The following TOX variants were observed in gnomAD, a reference collection of about 807,000 sequenced individuals.
TOX encodes thymocyte selection associated high mobility group box.
Under a neutral mutation model 53.7 loss-of-function variants are expected in TOX, and 11 were observed. The ratio of observed to expected loss-of-function variants is 0.20; its 90% confidence interval spans 0.13 to 0.34. The LOEUF (loss-of-function observed/expected upper bound fraction) is 0.34. Among genes scored for constraint, TOX ranks in the 10% least tolerant of loss-of-function variants. TOX has a pLI of 1.00. For synonymous variants in TOX, 225 were observed against 245.3 expected (o/e 0.92, Z 0.77); for missense variants, 570 against 664.6 (o/e 0.86, Z 1.56).
At position 58,833,399 on chromosome 8, in the gene TOX, T is replaced by C. The variant is rs921883694; in HGVS notation, c.924+4682A>G. Among the ~76,000 whole-genome samples the C allele has an allele frequency of 2.0e-5, 3 of 152,280 alleles. No homozygotes were observed. In the South Asian group the frequency reaches 6.2e-4, roughly 32 times the overall value. On this transcript the variant is annotated intron_variant, in intron 5 of 8. Transcript: ENST00000361421. ...TCAAAGCGGGACGAGCTCTTTTATT[T>C]TGTAGGGTTTTATTTGTTCTATATT...
At chr8:58,905,769 A>G (rs1811803428) in intron 3 of TOX, among the ~76,000 whole-genome samples, 1 of 152,058 alleles carries the variant, frequency 6.6e-6, no homozygotes, top group Admixed American at 6.5e-5. Flanking sequence ...TACAATTTGG[A>G]TTCCCTTTTC....
intron 1 of TOX, among the ~76,000 whole-genome samples, chr8:59,074,701 A>G (rs752439048): frequency 3.8e-4 from 58 of 152,318 alleles, no homozygotes; most frequent in Non-Finnish European, 7.8e-4. Context: ...GTTCAGAAGG[A>G]AAATGAGGCC....
At chr8:59,075,867 T>A (rs1046036519) in intron 1 of TOX, among the ~76,000 whole-genome samples, 1 of 151,974 alleles carries the variant, frequency 6.6e-6, no homozygotes, top group African/African-American at 2.4e-5. Flanking sequence ...TAGCCAGGCG[T>A]GGTGGTGCAT....
At chr8:59,033,635 A>G (rs2129420196) in intron 1 of TOX, among the ~76,000 whole-genome samples, 1 of 152,340 alleles carries the variant, frequency 6.6e-6, no homozygotes, top group East Asian at 1.9e-4. Context: ...ATAAATGTAA[A>G]TGTTTGCTAA....
chr8:58,920,707 T>TA lies in TOX; in HGVS notation c.411+18594dup, dbSNP rs56112630. ...ATGTACCCTAAAACTTAAAGTATAA[T>TA]AAAAAAAAAACATTAAAAAAAAAAA... On this transcript the variant is annotated intron_variant, in intron 3 of 8. Transcript: ENST00000361421. Among the ~76,000 whole-genome samples, 298 of 72,014 alleles carry TA rather than the reference T, an allele frequency of 4.1e-3. 1 individual carries two copies. The highest frequency in any genetic ancestry group is 0.011 in the Middle Eastern group (1 of 90). 47.2% of individuals were successfully genotyped at this position (72,014 alleles called of 152,430 possible).
chr8:58,812,387 G>A (rs745857996), intron 7 of TOX, among the ~76,000 whole-genome samples: 12 of 151,898 alleles, frequency 7.9e-5, no homozygotes, highest in Non-Finnish European at 1.6e-4. Context: ...GCCTCCTTCC[G>A]ATCTCCTGGA....
chr8:59,010,862 G>A (rs761263020), intron 1 of TOX, among the ~76,000 whole-genome samples: 3 of 152,332 alleles, frequency 2.0e-5, no homozygotes, highest in Non-Finnish European at 2.9e-5. Flanking sequence ...GCATCATTAT[G>A]TATGTCACCT....
intron 3 of TOX, among the ~76,000 whole-genome samples, chr8:58,874,497 TCA>T (rs1212879614): frequency 6.6e-6 from 1 of 151,962 alleles, no homozygotes; most frequent in Non-Finnish European, 1.5e-5. Context: ...GATTAGAAAA[TCA>T]GAGCCAAGGA....
At chr8:58,841,784 A>G (rs1810647718) in intron 4 of TOX, among the ~76,000 whole-genome samples, 1 of 152,224 alleles carries the variant, frequency 6.6e-6, no homozygotes, top group South Asian at 2.1e-4. Context: ...ATACAATTTT[A>G]TTTGTCAATT....
At chr8:59,082,086 C>T (rs887765563) in intron 1 of TOX, among the ~76,000 whole-genome samples, 9 of 151,564 alleles carry the variant, frequency 5.9e-5, no homozygotes, top group Non-Finnish European at 8.8e-5. Context: ...TTGATCTTGC[C>T]CTGCTCTTGT....
intron 1 of TOX, among the ~76,000 whole-genome samples, chr8:58,965,069 T>A (rs1264239440): frequency 6.6e-6 from 1 of 152,226 alleles, no homozygotes; most frequent in East Asian, 1.9e-4. Context: ...TTATTATTCT[T>A]AGAAGTCAAC....
intron 3 of TOX, among the ~76,000 whole-genome samples, chr8:58,866,514 T>G (rs527353501): frequency 2.6e-5 from 4 of 152,324 alleles, no homozygotes; most frequent in Non-Finnish European, 4.4e-5. Flanking sequence ...GGACACAAAT[T>G]TATGCTTTCT....
At chr8:58,893,217 C>T (rs910448018) in intron 3 of TOX, among the ~76,000 whole-genome samples, 52 of 151,934 alleles carry the variant, frequency 3.4e-4, no homozygotes, top group African/African-American at 1.2e-3. Context: ...ATCTCCCCCC[C>T]ACAAAACACA....
intron 4 of TOX, among the ~76,000 whole-genome samples, chr8:58,848,042 AAT>A (rs1320972576): frequency 6.6e-6 from 1 of 152,124 alleles, no homozygotes; most frequent in Non-Finnish European, 1.5e-5. Context: ...AAATAATTAA[AAT>A]AGTGTTTCAT....
At chr8:58,872,171 C>A (rs570761337) in intron 3 of TOX, among the ~76,000 whole-genome samples, 11 of 151,930 alleles carry the variant, frequency 7.2e-5, no homozygotes, top group Non-Finnish European at 1.3e-4. Context: ...CAAGAGCCAC[C>A]TAAAATAGCC....
chr8:59,061,320 A>T (rs987962142), intron 1 of TOX, among the ~76,000 whole-genome samples: 1 of 152,200 alleles, frequency 6.6e-6, no homozygotes, highest in African/African-American at 2.4e-5. Context: ...AACCAAAGCA[A>T]TTGGTACTGA....
At chr8:59,106,161 C>G (rs1318050859) in intron 1 of TOX, among the ~76,000 whole-genome samples, 1 of 152,034 alleles carries the variant, frequency 6.6e-6, no homozygotes, top group African/African-American at 2.4e-5. Flanking sequence ...CTGTATGAAC[C>G]TTCCACCTCT....
At chr8:58,882,406 A>G (rs995083672) in intron 3 of TOX, among the ~76,000 whole-genome samples, 2 of 152,234 alleles carry the variant, frequency 1.3e-5, no homozygotes, top group African/African-American at 4.8e-5. Context: ...ATGTTTGAGA[A>G]GCATTTCTTA....
At chr8:58,810,871 TC>T (rs915882897) in intron 7 of TOX, among the ~76,000 whole-genome samples, 35 of 151,852 alleles carry the variant, frequency 2.3e-4, no homozygotes, top group Admixed American at 6.6e-4. Flanking sequence ...CGCCATTTTT[TC>T]CCCCCATCCA....
Sources: allele counts gnomAD v4.1 joint callset (sites outside exome capture counted in the v4.1 genomes callset), GRCh38; gene constraint gnomAD v4.1.1; transcripts MANE v1.5; gene names NCBI Gene and HGNC (gene_info 2026-07-23, HGNC 2026-07-21).